Variants in MATN3 observed in about 807,000 individuals in gnomAD.
The protein encoded by MATN3 is matrilin-3.
Under a neutral mutation model 45.3 loss-of-function variants are expected in MATN3, and 48 were observed. The observed-to-expected ratio is 1.06, with a 90% CI of 0.84 to 1.35. MATN3 has a LOEUF of 1.35. Ranked by LOEUF, MATN3 falls within the 40% of genes most tolerant of loss-of-function variation. The pLI is 0.00. For missense variants in MATN3, 599 were observed against 628.0 expected (o/e 0.95, Z 0.49); for synonymous variants, 217 against 245.9 (o/e 0.88, Z 1.10).
Position 19,992,105 on chromosome 2 carries a change from C to CA in MATN3, c.*1005dup, listed in dbSNP as rs1410084738. 6.6e-6 allele frequency: 1 copy of CA among 151,926 alleles called. No homozygotes were observed. The highest frequency in any genetic ancestry group is 1.5e-5 in the Non-Finnish European group (1 of 67,958). 9.4% of individuals were successfully genotyped at this position (151,926 alleles called of 1,614,324 possible). On this transcript the variant is annotated 3_prime_UTR_variant, in exon 8 of 8. Coordinates refer to ENST00000407540, the MANE Select transcript of MATN3 (RefSeq NM_002381.5). ...AAATTGATGAGTCATCAAAAATAGA[C>CA]ATGATAATATGTAAAGGTAATAACT...
chr2:20,007,607 G>A (rs775402447), intron 1 of MATN3, among the ~76,000 whole-genome samples: 1 of 152,190 alleles, frequency 6.6e-6, no homozygotes, highest in Non-Finnish European at 1.5e-5. Flanking sequence ...AGCATGTCTC[G>A]TAAGAAGCAG....
Position 19,993,091 on chromosome 2 carries a change from A to T in MATN3, c.*20T>A. The stretch of plus-strand genomic sequence containing the variant: ...AGTACACCAAGCTGTCCACATTTTC[A>T]GGTGAGAAATTGGAGCAATTTAACG... On this transcript the variant is annotated 3_prime_UTR_variant, in exon 8 of 8. Coordinates refer to ENST00000407540, the MANE Select transcript of MATN3 (RefSeq NM_002381.5). 1 of 1,599,544 alleles carries T rather than the reference A, an allele frequency of 6.3e-7. No individual in the cohort carries two copies. Among genetic ancestry groups the T allele is most frequent in the Non-Finnish European group, 8.6e-7 (1 of 1,167,010 alleles).
intron 1 of MATN3, among the ~76,000 whole-genome samples, chr2:20,010,698 C>A (rs951781276): frequency 6.6e-6 from 1 of 152,202 alleles, no homozygotes; most frequent in Non-Finnish European, 1.5e-5. Context: ...TCCCCTAGAG[C>A]CTCCCAAAAG....
chr2:19,992,256 A>T lies in MATN3; in HGVS notation c.*855T>A, dbSNP rs1479696127. 1.3e-5 allele frequency: 2 copies of T among 152,042 alleles called. No individual in the cohort carries two copies. The highest frequency in any genetic ancestry group is 2.9e-5 in the Non-Finnish European group (2 of 67,966). The allele number at this position is 152,042 out of a possible 1,614,324, so 9.4% of individuals were successfully genotyped here. On this transcript the variant is annotated 3_prime_UTR_variant, in exon 8 of 8. Coordinates refer to ENST00000407540, the MANE Select transcript of MATN3 (RefSeq NM_002381.5). ...AATTATATGTATCAAATATATAAGT[A>T]AAAAAAAGTTAGACTTTCAAGCCTG...
chr2:20,003,198 T>C lies in MATN3; in HGVS notation c.879A>G (p.Gln293=). Residue 293 remains glutamine, a synonymous_variant, in exon 3 of 8, where the codon CAA becomes CAG. Transcript: ENST00000407540. ...TCTTGTCGGCATTCAAGGTGTATCC[T>C]TGGCTACACTCACAGTGGTGCTTGC... ...GEGKHHCECS[Q]GYTLNADKKT... is the part of the protein sequence containing the mutation. 6.2e-7 allele frequency: 1 copy of C among 1,614,010 alleles called. No homozygotes were observed. The highest frequency in any genetic ancestry group is 8.5e-7 in the Non-Finnish European group (1 of 1,179,866).
intron 5 of MATN3, among the ~76,000 whole-genome samples, chr2:19,999,011 G>C (rs563760371): frequency 1.3e-5 from 2 of 152,154 alleles, no homozygotes; most frequent in South Asian, 2.1e-4. Context: ...GTACATTACT[G>C]TATCTAAAAT....
intron 5 of MATN3, 133 bp downstream of exon 5, chr2:20,000,308 C>G (rs1308144332): frequency 2.7e-6 from 2 of 734,596 alleles, no homozygotes; most frequent in Non-Finnish European, 4.3e-6. Flanking sequence ...CAATGTGTGC[C>G]TTCATCTAAA....
At chr2:20,008,387 A>G (rs931399468) in intron 1 of MATN3, among the ~76,000 whole-genome samples, 1 of 152,198 alleles carries the variant, frequency 6.6e-6, no homozygotes, top group Non-Finnish European at 1.5e-5. Flanking sequence ...AAGGAGGCAG[A>G]AGTTGATGCT....
chr2:20,003,052 G>GC, intron 3 of MATN3, 109 bp downstream of exon 3: 1 of 1,312,124 alleles, frequency 7.6e-7, no homozygotes, highest in Non-Finnish European at 1.0e-6. Flanking sequence ...CAGCCAAAAG[G>GC]CAGTTAGGTA....
intron 1 of MATN3, among the ~76,000 whole-genome samples, chr2:20,010,907 T>C (rs180992982): frequency 6.6e-6 from 1 of 152,390 alleles, no homozygotes; most frequent in Non-Finnish European, 1.5e-5. Context: ...GGTTCCTTCC[T>C]GACTGGTACT....
At position 19,993,100 on chromosome 2, in the gene MATN3, A is replaced by G. The variant is rs756111861; in HGVS notation, c.*11T>C. 1.2e-6 allele frequency: 2 copies of G among 1,609,502 alleles called. No homozygotes were observed. Among genetic ancestry groups the G allele is most frequent in the Non-Finnish European group, 1.7e-6 (2 of 1,176,094 alleles). ...AGCTGTCCACATTTTCAGGTGAGAA[A>G]TTGGAGCAATTTAACGATGTATTTG... On this transcript the variant is annotated 3_prime_UTR_variant, in exon 8 of 8. Coordinates refer to ENST00000407540, the MANE Select transcript of MATN3 (RefSeq NM_002381.5).
chr2:20,011,713 TG>T (rs1272550131), intron 1 of MATN3, among the ~76,000 whole-genome samples: 1 of 152,220 alleles, frequency 6.6e-6, no homozygotes, highest in Non-Finnish European at 1.5e-5. Context: ...TGAATTTTAT[TG>T]TGGCCTCTGA....
intron 1 of MATN3, among the ~76,000 whole-genome samples, chr2:20,008,357 A>C (rs1673152506): frequency 6.6e-6 from 1 of 152,144 alleles, no homozygotes; most frequent in African/African-American, 2.4e-5. Flanking sequence ...GTGTCACTCA[A>C]GGCTCTTTCC....
chr2:20,006,337 C>T, intron 1 of MATN3, 27 bp from the exon 2 acceptor site: 1 of 1,463,868 alleles, frequency 6.8e-7, no homozygotes, highest in Non-Finnish European at 9.1e-7. Flanking sequence ...AATGATCAGA[C>T]CACAATTAGA....
At chr2:20,008,256 C>T (rs1673150825) in intron 1 of MATN3, among the ~76,000 whole-genome samples, 2 of 152,226 alleles carry the variant, frequency 1.3e-5, no homozygotes, top group Non-Finnish European at 2.9e-5. Flanking sequence ...AGCCACTGTG[C>T]CCAGCCCTAA....
In MATN3 at chr2:19,992,838, AC is replaced by A. The variant is rs1413355532; in HGVS notation, c.*272del. On this transcript the variant is annotated 3_prime_UTR_variant, in exon 8 of 8. Transcript: ENST00000407540. The stretch of plus-strand genomic sequence containing the variant: ...CAATTAGTAGATAAAGAAACACTAA[AC>A]TTTTCATTCTATTTCCTACCAATCA... The A allele has an allele frequency of 5.2e-6, 2 of 386,372 alleles. No homozygotes were observed. The highest frequency in any genetic ancestry group is 9.2e-6 in the Non-Finnish European group (2 of 218,192). The allele number at this position is 386,372 out of a possible 1,614,324, so 23.9% of individuals were successfully genotyped here. A position where few individuals can be genotyped will look rare whatever the true frequency, so the allele number is the denominator to read the frequency against.
rs756538311 is a variant in MATN3, at chr2:20,005,898, T to C, written c.636A>G (p.Ala212=). 30 of 1,610,328 alleles carry C rather than the reference T, an allele frequency of 1.9e-5. No individual in the cohort carries two copies. In the Admixed American group the frequency reaches 4.9e-4, roughly 26 times the overall value. Reference sequence around the variant, plus strand: ...CCACAGCATAGAGCTCAATACCAGATGCTTGGGCCCGAGCCGCCACCTCAT... The same window carrying C: ...CCACAGCATAGAGCTCAATACCAGACGCTTGGGCCCGAGCCGCCACCTCAT... ...QVNEVAARAQ[A]SGIELYAVGV... Residue 212 remains alanine, a synonymous_variant, in exon 2 of 8, where the codon GCA becomes GCG. Transcript: ENST00000407540.
rs1042956777 is a variant in MATN3 at position 20,003,160 on chromosome 2, C to G, written c.916+1G>C. 2.5e-6 allele frequency: 4 copies of G among 1,613,822 alleles called. No homozygotes were observed. In the African/African-American group the frequency reaches 5.3e-5, roughly 22 times the overall value. On this transcript the variant is annotated splice_donor_variant, in intron 3 of 7. Coordinates refer to ENST00000407540, the MANE Select transcript of MATN3 (RefSeq NM_002381.5). LOFTEE classifies it high-confidence loss of function. ...GTCACGGCCCCCTACACAGGCCTCA[C>G]CTGAACACGTTTTCTTGTCGGCATT...
At chr2:20,003,068 G>A (rs554405261) in intron 3 of MATN3, 93 bp downstream of exon 3, 2 of 1,466,476 alleles carry the variant, frequency 1.4e-6, no homozygotes, top group Non-Finnish European at 1.9e-6. Flanking sequence ...AGGTAAAAAG[G>A]GGTCAGAGAG....
Sources: allele counts gnomAD v4.1 joint callset (sites outside exome capture counted in the v4.1 genomes callset), GRCh38; gene constraint gnomAD v4.1.1; transcripts MANE v1.5; gene names NCBI Gene and HGNC (gene_info 2026-07-23, HGNC 2026-07-21).